Variants in SLX4IP observed in about 807,000 individuals in gnomAD.
SLX4IP encodes SLX4 interacting protein.
SLX4IP carries 34 observed loss-of-function variants against 32.9 expected under a neutral mutation model. The observed-to-expected ratio is 1.03, with a 90% CI of 0.79 to 1.38. SLX4IP has a LOEUF of 1.38. Among genes scored for constraint, SLX4IP ranks in the 40% most tolerant of loss-of-function variants. SLX4IP has a pLI of 0.00. For missense variants in SLX4IP, 444 were observed against 479.0 expected (o/e 0.93, Z 0.68); for synonymous variants, 172 against 171.7 (o/e 1.00, Z -0.01).
intron 4 of SLX4IP, among the ~76,000 whole-genome samples, chr20:10,597,943 A>T (rs1431103230): frequency 1.3e-5 from 2 of 152,206 alleles, no homozygotes; most frequent in Admixed American, 6.5e-5. Flanking sequence ...CTCATTCTAT[A>T]TGAAGATTTT....
intron 2 of SLX4IP, among the ~76,000 whole-genome samples, chr20:10,499,090 A>G (rs546636911): frequency 6.6e-6 from 1 of 152,242 alleles, no homozygotes; most frequent in South Asian, 2.1e-4. Flanking sequence ...ACAAATTTTT[A>G]TTTATTTTAA....
At chr20:10,582,828 G>A (rs886656954) in intron 4 of SLX4IP, among the ~76,000 whole-genome samples, 1 of 151,878 alleles carries the variant, frequency 6.6e-6, no homozygotes, top group African/African-American at 2.4e-5. Flanking sequence ...CTTATAAAAT[G>A]TTATTTTCAG....
At chr20:10,463,931 T>C (rs112152694) in intron 2 of SLX4IP, among the ~76,000 whole-genome samples, 2,216 of 152,250 alleles carry the variant, frequency 0.015, 49 homozygotes, top group African/African-American at 0.049. Flanking sequence ...CATTTCATAA[T>C]ATTGTGAACT....
At chr20:10,531,657 C>T (rs937489415) in intron 2 of SLX4IP, among the ~76,000 whole-genome samples, 2 of 152,046 alleles carry the variant, frequency 1.3e-5, no homozygotes, top group African/African-American at 2.4e-5. Flanking sequence ...TTTCAGATAC[C>T]GAGACGTGTG....
At position 10,623,285 on chromosome 20, in the gene SLX4IP, C is replaced by A; in HGVS notation, c.1133C>A (p.Ala378Glu). Residue 378 changes from alanine to glutamate, a missense_variant, in exon 8 of 8, where the codon GCA becomes GAA. Transcript: ENST00000334534. ...RHLMKNNPGQ[A>E]QQTGLATNTE... ...CTTATGAAAAATAACCCAGGGCAGG[C>A]ACAGCAAACCGGCTTAGCCACAAAC... 6.2e-7 allele frequency: 1 copy of A among 1,614,088 alleles called. No homozygotes were observed. The highest frequency in any genetic ancestry group is 1.1e-5 in the South Asian group (1 of 91,072).
rs1325411132 is a variant in SLX4IP at position 10,560,802 on chromosome 20, A to G, written c.220A>G (p.Asn74Asp). The change falls in exon 4 of 8, where the codon AAT (asparagine) becomes GAT (aspartate). Residue 74 changes from asparagine (N) to aspartate (D), a missense_variant. By Grantham distance (23) the Asn-to-Asp change is conservative. Coordinates refer to ENST00000334534, the MANE Select transcript of SLX4IP (RefSeq NM_001009608.3). ...RPSNAEFTRSNPLSLKGYGFQ... is the reference protein window; with the variant it reads ...RPSNAEFTRSDPLSLKGYGFQ... Reference sequence around the variant, plus strand: ...ATCAAATGCAGAATTCACAAGATCCAATCCCTTGTCCTTAAAAGGTAGGCA... The same window carrying G: ...ATCAAATGCAGAATTCACAAGATCCGATCCCTTGTCCTTAAAAGGTAGGCA... The G allele has an allele frequency of 6.2e-7, 1 of 1,605,688 alleles. No homozygotes were observed. Among genetic ancestry groups the G allele is most frequent in the African/African-American group, 1.3e-5 (1 of 74,656 alleles).
At chr20:10,574,055 T>C (rs1047787080) in intron 4 of SLX4IP, among the ~76,000 whole-genome samples, 18 of 152,236 alleles carry the variant, frequency 1.2e-4, no homozygotes, top group Admixed American at 7.2e-4. Context: ...AATGCTTTGC[T>C]TTCTCAAAAA....
intron 2 of SLX4IP, among the ~76,000 whole-genome samples, chr20:10,479,656 T>C (rs1301531875): frequency 1.4e-5 from 2 of 146,176 alleles, no homozygotes; most frequent in South Asian, 4.5e-4. Flanking sequence ...TCGAATTGCA[T>C]ATTTCTATTA....
In SLX4IP at chr20:10,511,062, CG is replaced by C. The variant is rs2065803806; in HGVS notation, c.28-45168del. Among the ~76,000 whole-genome samples, 4 of 152,282 alleles carry C rather than the reference CG, an allele frequency of 2.6e-5. No homozygotes were observed. In the South Asian group the frequency reaches 8.3e-4, roughly 32 times the overall value. ...TTATCAGAGAACCTGGCTTTGGTGC[CG>C]TGTTCTTGTCCCTCCATTTACCTTT... On this transcript the variant is annotated intron_variant, in intron 2 of 7. Coordinates refer to ENST00000334534, the MANE Select transcript of SLX4IP (RefSeq NM_001009608.3).
intron 1 of SLX4IP, among the ~76,000 whole-genome samples, chr20:10,438,472 G>GTTT (rs35297842): frequency 1.9e-3 from 184 of 98,848 alleles, no homozygotes; most frequent in Non-Finnish European, 2.2e-3. Flanking sequence ...AGGTGTGTGT[G>GTTT]TTTTTTTTTT....
chr20:10,471,869 A>G (rs2065427464), intron 2 of SLX4IP, among the ~76,000 whole-genome samples: 1 of 152,168 alleles, frequency 6.6e-6, no homozygotes, highest in African/African-American at 2.4e-5. Flanking sequence ...TCTCTTCACA[A>G]GGTGTCTCAT....
At chr20:10,513,494 ACAT>A (rs1427422162) in intron 2 of SLX4IP, among the ~76,000 whole-genome samples, 1 of 152,210 alleles carries the variant, frequency 6.6e-6, no homozygotes, top group Non-Finnish European at 1.5e-5. Context: ...TTAGGTACAA[ACAT>A]CATGGAAGTC....
At position 10,580,376 on chromosome 20, in the gene SLX4IP, C is replaced by T. The variant is rs965722803; in HGVS notation, c.239-18299C>T. On this transcript the variant is annotated intron_variant, in intron 4 of 7. Transcript: ENST00000334534. ...GCACAGATATGAATGCAGTGCCCTC[C>T]GCTTCTCAGTCCCAGCAGAATGCTC... 5.3e-5 allele frequency among the ~76,000 whole-genome samples: 8 copies of T among 151,952 alleles called. No individual in the cohort carries two copies. The East Asian group carries it at 7.8e-4, about 15-fold the overall frequency.
chr20:10,495,960 CT>C (rs2065664140), intron 2 of SLX4IP, among the ~76,000 whole-genome samples: 2 of 150,810 alleles, frequency 1.3e-5, no homozygotes, highest in Non-Finnish European at 3.0e-5. Context: ...AAGACATTTG[CT>C]TTTTCAGCCC....
chr20:10,597,978 C>T (rs893001789), intron 4 of SLX4IP, among the ~76,000 whole-genome samples: 6 of 152,302 alleles, frequency 3.9e-5, no homozygotes, highest in East Asian at 1.9e-4. Context: ...AATTTATTTA[C>T]AGGCAAAATA....
At chr20:10,457,614 A>G (rs1568689775) in intron 1 of SLX4IP, among the ~76,000 whole-genome samples, 2 of 151,642 alleles carry the variant, frequency 1.3e-5, no homozygotes, top group Non-Finnish European at 1.5e-5. Flanking sequence ...ATTTTCTAGT[A>G]TTTTGTTGAG....
At chr20:10,591,167 T>C (rs1855289702) in intron 4 of SLX4IP, among the ~76,000 whole-genome samples, 1 of 152,182 alleles carries the variant, frequency 6.6e-6, no homozygotes, top group Non-Finnish European at 1.5e-5. Context: ...GGCATTAAGT[T>C]TGCAATCTCA....
At chr20:10,565,215 C>T (rs2066377959) in intron 4 of SLX4IP, among the ~76,000 whole-genome samples, 1 of 152,128 alleles carries the variant, frequency 6.6e-6, no homozygotes, top group Non-Finnish European at 1.5e-5. Context: ...TGGTCAGGAA[C>T]CTTAGTTGCC....
chr20:10,435,383 C>T lies in SLX4IP; in HGVS notation c.-100C>T, dbSNP rs1271125114. The T allele has an allele frequency of 6.6e-6, 1 of 152,254 alleles. No individual in the cohort carries two copies. The highest frequency in any genetic ancestry group is 1.5e-5 in the Non-Finnish European group (1 of 68,066). 9.4% of individuals were successfully genotyped at this position (152,254 alleles called of 1,614,324 possible). A position where few individuals can be genotyped will look rare whatever the true frequency, so the allele number is the denominator to read the frequency against. On this transcript the variant is annotated 5_prime_UTR_variant, in exon 1 of 8. Transcript: ENST00000334534. ...TAGTCCGAGTTTCCACAGCCAGGTA[C>T]TACTCCGCCAGTGACCCTGGACAGT...
Sources: allele counts gnomAD v4.1 joint callset (sites outside exome capture counted in the v4.1 genomes callset), GRCh38; gene constraint gnomAD v4.1.1; transcripts MANE v1.5; gene names NCBI Gene and HGNC (gene_info 2026-07-23, HGNC 2026-07-21).